Variants in B3GALT1 observed in about 807,000 individuals in gnomAD.
B3GALT1 encodes beta-1,3-galactosyltransferase 1, also known as UDP-Gal:betaGlcNAc beta 1,3-galactosyltransferase, polypeptide 1.
A neutral mutation model predicts 23.2 loss-of-function variants in B3GALT1; 10 were observed. The ratio of observed to expected loss-of-function variants is 0.43; its 90% CI spans 0.27 to 0.73. The LOEUF (loss-of-function observed/expected upper bound fraction) is 0.73, where lower values mean the gene tolerates loss of function less well. Among genes scored for constraint, B3GALT1 ranks in the 30% least tolerant of loss-of-function variants. The pLI is 0.21. For missense variants in B3GALT1, 299 were observed against 405.4 expected, an observed-to-expected ratio of 0.74 and a Z score of 2.25; for synonymous variants, 156 against 141.5, an observed-to-expected ratio of 1.10 and a Z score of -0.73.
In B3GALT1 at chr2:167,435,950, CACAA is replaced by C. The variant is rs1351644912; in HGVS notation, c.-510-54223_-510-54220del. On this transcript the variant is annotated intron_variant, in intron 1 of 4. Transcript: ENST00000392690. ...TCTCCATGTCTACCCTCCACACACA[CACAA>C]ACACACACACACACACACACACACA... is the stretch of plus-strand genomic sequence containing the variant. Among the ~76,000 whole-genome samples, 10 of 129,126 alleles carry C rather than the reference CACAA, an allele frequency of 7.7e-5. No homozygotes were observed. The East Asian group carries it at 9.5e-4, about 12-fold the overall frequency. 84.7% of individuals were successfully genotyped at this position (129,126 alleles called of 152,430 possible).
intron 4 of B3GALT1, among the ~76,000 whole-genome samples, chr2:167,862,014 C>T (rs1485577048): frequency 1.3e-5 from 2 of 152,224 alleles, no homozygotes; most frequent in East Asian, 3.9e-4. Flanking sequence ...CAACCTTGCC[C>T]ATGGTGAAGG....
intron 3 of B3GALT1, among the ~76,000 whole-genome samples, chr2:167,744,181 T>C (rs1266107541): frequency 6.6e-6 from 1 of 152,144 alleles, no homozygotes; most frequent in African/African-American, 2.4e-5. Flanking sequence ...TCATGTTTCT[T>C]GATAAGAATG....
At chr2:167,367,399 A>G (rs1014695132) in intron 1 of B3GALT1, among the ~76,000 whole-genome samples, 23 of 152,204 alleles carry the variant, frequency 1.5e-4, no homozygotes, top group Admixed American at 4.6e-4. Context: ...GGATCTTCTT[A>G]GGGAAAGTGG....
intron 2 of B3GALT1, among the ~76,000 whole-genome samples, 77 bp from the exon 3 acceptor site, chr2:167,646,832 A>G (rs962682252): frequency 1.3e-5 from 2 of 152,302 alleles, no homozygotes; most frequent in Admixed American, 1.3e-4. Context: ...TTATTGTAAG[A>G]TTTGTATAGG....
intron 1 of B3GALT1, among the ~76,000 whole-genome samples, chr2:167,400,308 C>A (rs966330256): frequency 1.3e-5 from 2 of 151,878 alleles, no homozygotes; most frequent in African/African-American, 2.4e-5. Flanking sequence ...ATTTTTTGGT[C>A]ACATCTTTGA....
chr2:167,476,178 A>T (rs1293770425), intron 1 of B3GALT1, among the ~76,000 whole-genome samples: 1 of 152,120 alleles, frequency 6.6e-6, no homozygotes, highest in Non-Finnish European at 1.5e-5. Flanking sequence ...CCATAACAAC[A>T]ATTCATGATA....
rs75834739 is a variant in B3GALT1, at chr2:167,587,752, A to G, written c.-409-59157A>G. On this transcript the variant is annotated intron_variant, in intron 2 of 4. Coordinates refer to ENST00000392690, the MANE Select transcript of B3GALT1 (RefSeq NM_020981.4). ...TTACATCACCAAAATTTGGGCCTGA[A>G]TTCTTGCAACTGGTGTTGAACTGCT... Among the ~76,000 whole-genome samples the G allele has an allele frequency of 6.9e-3, 1,050 of 152,362 alleles. 10 individuals carry two copies. Among genetic ancestry groups the G allele is most frequent in the African/African-American group, 0.024 (979 of 41,584 alleles).
Position 167,399,460 on chromosome 2 carries a change from G to A in B3GALT1, c.-510-90717G>A, listed in dbSNP as rs140464960. On this transcript the variant is annotated intron_variant, in intron 1 of 4. Transcript: ENST00000392690. ...CTAGAAAGTGTATTTTTAGCATCAA[G>A]TCCAGATGGCTTACACTCATTCTCT... Among the ~76,000 whole-genome samples the A allele has an allele frequency of 1.8e-3, 269 of 152,132 alleles. 1 individual carries two copies. The highest frequency in any genetic ancestry group is 6.3e-3 in the African/African-American group (260 of 41,544).
chr2:167,329,105 G>A (rs1696935798), intron 1 of B3GALT1, among the ~76,000 whole-genome samples: 1 of 152,124 alleles, frequency 6.6e-6, no homozygotes, highest in African/African-American at 2.4e-5. Context: ...GAGCCACCAC[G>A]CCTGGTCACA....
chr2:167,681,296 A>T (rs1400390987), intron 3 of B3GALT1, among the ~76,000 whole-genome samples: 1 of 152,148 alleles, frequency 6.6e-6, no homozygotes, highest in African/African-American at 2.4e-5. Context: ...TGTAAATCAA[A>T]TTATTATTTT....
At chr2:167,717,485 T>G (rs1574228712) in intron 3 of B3GALT1, among the ~76,000 whole-genome samples, 1 of 38,686 alleles carries the variant, frequency 2.6e-5, no homozygotes, top group South Asian at 7.3e-4. Flanking sequence ...TTATACATAG[T>G]TTTTTTTTTA....
intron 1 of B3GALT1, among the ~76,000 whole-genome samples, chr2:167,349,925 G>A (rs1697284099): frequency 1.3e-5 from 2 of 151,934 alleles, no homozygotes; most frequent in African/African-American, 2.4e-5. Context: ...ATAATGTTGA[G>A]GAATGTAACC....
intron 1 of B3GALT1, among the ~76,000 whole-genome samples, chr2:167,454,333 G>A (rs1378537284): frequency 3.3e-5 from 5 of 152,216 alleles, no homozygotes; most frequent in African/African-American, 1.2e-4. Context: ...ACCTGGAGAA[G>A]CCATAGTATA....
At chr2:167,465,369 G>A (rs867024719) in intron 1 of B3GALT1, among the ~76,000 whole-genome samples, 10 of 152,202 alleles carry the variant, frequency 6.6e-5, no homozygotes, top group Middle Eastern at 3.4e-3. Context: ...CTTAGATTGG[G>A]TAATTCGTAA....
chr2:167,786,284 G>A (rs1688343828), intron 3 of B3GALT1, among the ~76,000 whole-genome samples: 1 of 152,174 alleles, frequency 6.6e-6, no homozygotes, highest in African/African-American at 2.4e-5. Context: ...AGGAATAATA[G>A]CATCACTTGT....
chr2:167,781,963 G>A (rs779214260), intron 3 of B3GALT1, among the ~76,000 whole-genome samples: 2 of 151,994 alleles, frequency 1.3e-5, no homozygotes. Flanking sequence ...GGCTCGTCTC[G>A]AACTCCTGAG....
chr2:167,643,208 TA>T (rs1685686425), intron 2 of B3GALT1, among the ~76,000 whole-genome samples: 1 of 152,226 alleles, frequency 6.6e-6, no homozygotes, highest in Non-Finnish European at 1.5e-5. Flanking sequence ...TGTTTGAGTT[TA>T]CCTACATTAA....
intron 2 of B3GALT1, among the ~76,000 whole-genome samples, chr2:167,544,766 C>G (rs903714503): frequency 6.6e-6 from 1 of 152,138 alleles, no homozygotes; most frequent in African/African-American, 2.4e-5. Flanking sequence ...AGCTAGTTGT[C>G]AAACAGCAAG....
rs545262092 is a variant in B3GALT1, at chr2:167,332,478, CAT to C, written c.-511+39149_-511+39150del. Reference sequence around the variant, plus strand: ...TATCAGCAATGACAGTGCACACAAACATATATTTTATTGCAGGAAAATGATAC... The same window carrying C: ...TATCAGCAATGACAGTGCACACAAACATATTTTATTGCAGGAAAATGATAC... On this transcript the variant is annotated intron_variant, in intron 1 of 4. Coordinates refer to ENST00000392690, the MANE Select transcript of B3GALT1 (RefSeq NM_020981.4). Among the ~76,000 whole-genome samples the C allele has an allele frequency of 5.8e-4, 88 of 152,290 alleles. No homozygotes were observed. In the East Asian group the frequency reaches 0.015, roughly 26 times the overall value.
Sources: allele counts gnomAD v4.1 joint callset (sites outside exome capture counted in the v4.1 genomes callset), GRCh38; gene constraint gnomAD v4.1.1; transcripts MANE v1.5; gene names NCBI Gene and HGNC (gene_info 2026-07-23, HGNC 2026-07-21).